Variants in CARM1 observed in about 807,000 individuals in gnomAD.
The protein encoded by CARM1 is histone-arginine methyltransferase CARM1.
In CARM1, 14 loss-of-function variants were observed where a neutral mutation model predicts 72.7. The ratio of observed to expected loss-of-function variants is 0.19; its 90% CI spans 0.13 to 0.30. The LOEUF is 0.30. Ranked by LOEUF, CARM1 falls within the 10% of genes least tolerant of loss-of-function variation. CARM1 has a pLI of 1.00. For missense variants in CARM1, 432 were observed against 833.7 expected (o/e 0.52, Z 5.93); for synonymous variants, 333 against 345.5 (o/e 0.96, Z 0.40).
intron 1 of CARM1, among the ~76,000 whole-genome samples, chr19:10,872,244 C>T (rs2073824523): frequency 6.7e-6 from 1 of 149,820 alleles, no homozygotes; most frequent in Non-Finnish European, 1.5e-5. Context: ...TTGGAGGACG[C>T]CAGGCGTGGT....
rs2073816663 is a variant in CARM1, at chr19:10,871,631, G to GGCGGCGGCGGCGGCA, written c.-64_-63insGGCGGCAGCGGCGGC. 3.6e-5 allele frequency: 5 copies of GGCGGCGGCGGCGGCA among 137,030 alleles called. No individual in the cohort carries two copies. Among genetic ancestry groups the GGCGGCGGCGGCGGCA allele is most frequent in the Admixed American group, 1.3e-4 (1 of 7,942 alleles). The allele number at this position is 137,030 out of a possible 1,614,324, so 8.5% of individuals were successfully genotyped here. ...CGGCGGCGGCGGCGGCGGCGGCGGC[G>GGCGGCGGCGGCGGCA]GCGGCGGCAGCGGCGGCGGCCTGGG... is the stretch of plus-strand genomic sequence containing the variant. On this transcript the variant is annotated 5_prime_UTR_variant, in exon 1 of 16. Coordinates refer to ENST00000327064, the MANE Select transcript of CARM1 (RefSeq NM_199141.2). This position sits in a 1 kb window ranked among gnomAD's most constrained non-coding sequence, Gnocchi z 5.6.
chr19:10,871,936 C>A lies in CARM1; in HGVS notation c.220+14C>A. ...CCCTCTACAGCCGTGAGTACGGGGC[C>A]CCGGGGCAGGCGCAGGGCCGGGGCT... On this transcript the variant is annotated intron_variant, in intron 1 of 15. Coordinates refer to ENST00000327064, the MANE Select transcript of CARM1 (RefSeq NM_199141.2). This position sits in a 1 kb window ranked among gnomAD's most constrained non-coding sequence, Gnocchi z 5.6. 8.5e-6 allele frequency: 10 copies of A among 1,183,208 alleles called. No homozygotes were observed. The highest frequency in any genetic ancestry group is 1.0e-5 in the Non-Finnish European group (10 of 956,166). The allele number at this position is 1,183,208 out of a possible 1,614,324, so 73.3% of individuals were successfully genotyped here.
At chr19:10,888,061 G>C (rs1313084326) in intron 1 of CARM1, among the ~76,000 whole-genome samples, 1 of 152,204 alleles carries the variant, frequency 6.6e-6, no homozygotes, top group Non-Finnish European at 1.5e-5. Context: ...GCCTCATTCA[G>C]CCCGACCTTC....
At chr19:10,873,340 A>G (rs1416816476) in intron 1 of CARM1, among the ~76,000 whole-genome samples, 1 of 152,048 alleles carries the variant, frequency 6.6e-6, no homozygotes, top group Non-Finnish European at 1.5e-5. Context: ...GGGGTAGCTC[A>G]GCACTTTGGG....
chr19:10,881,551 G>A (rs1229819575), intron 1 of CARM1, among the ~76,000 whole-genome samples: 1 of 152,080 alleles, frequency 6.6e-6, no homozygotes, highest in African/African-American at 2.4e-5. Context: ...GAGCCAAGGG[G>A]CGGTCACTGG....
rs778938821 is a variant in CARM1 at position 10,904,951 on chromosome 19, A to G, written c.221A>G (p.His74Arg). The change falls in exon 2 of 16, where the codon CAT (histidine) becomes CGT (arginine). Residue 74 changes from histidine (H) to arginine (R), a missense_variant and splice_region_variant. Coordinates refer to ENST00000327064, the MANE Select transcript of CARM1 (RefSeq NM_199141.2). ...CACGCCAGCCTGTCTTCTCTCGTAG[A>G]TGAAGATGTGTGTGTCTTTAAGTGC... ...PDSAGIALYS[H>R]EDVCVFKCSV... 10 of 1,614,026 alleles carry G rather than the reference A, an allele frequency of 6.2e-6. No homozygotes were observed. The highest frequency in any genetic ancestry group is 1.3e-5 in the African/African-American group (1 of 74,948).
At position 10,920,610 on chromosome 19, in the gene CARM1, G is replaced by C. The variant is rs2074234387; in HGVS notation, c.1334+37G>C. 1 of 1,613,760 alleles carries C rather than the reference G, an allele frequency of 6.2e-7. No individual in the cohort carries two copies. The highest frequency in any genetic ancestry group is 8.5e-7 in the Non-Finnish European group (1 of 1,179,812). On this transcript the variant is annotated intron_variant, in intron 11 of 15. Transcript: ENST00000327064. This position sits in a 1 kb window ranked among gnomAD's most constrained non-coding sequence, Gnocchi z 5.3. The stretch of plus-strand genomic sequence containing the variant: ...CCCTGGGGCTGGTGGTGGTGGGCAG[G>C]GGTCCATCTGCCCAGCAGCTCATGC...
At chr19:10,919,443 G>A (rs1444234518) in intron 8 of CARM1, 152 bp from the exon 9 acceptor site, 7 of 620,960 alleles carry the variant, frequency 1.1e-5, no homozygotes, top group South Asian at 1.9e-5. Flanking sequence ...GCGTTGTGCC[G>A]GTCCCCTCCT....
In CARM1 at chr19:10,920,208, C is replaced by G. The variant is rs75054755; in HGVS notation, c.1197-228C>G. Among the ~76,000 whole-genome samples the G allele has an allele frequency of 2.9e-3, 440 of 152,110 alleles. 1 individual carries two copies. Among genetic ancestry groups the G allele is most frequent in the African/African-American group, 0.01 (428 of 41,486 alleles). ...ATGGGTCTGTGTCTGTCTCTTGGCACATGTCAGGGTGAGTAGGGATCTCGT... is the reference window on the plus strand; with the variant it reads ...ATGGGTCTGTGTCTGTCTCTTGGCAGATGTCAGGGTGAGTAGGGATCTCGT... On this transcript the variant is annotated intron_variant, in intron 10 of 15. Coordinates refer to ENST00000327064, the MANE Select transcript of CARM1 (RefSeq NM_199141.2). This position sits in a 1 kb window ranked among gnomAD's most constrained non-coding sequence, Gnocchi z 5.3.
intron 5 of CARM1, among the ~76,000 whole-genome samples, chr19:10,913,130 G>C (rs1167096812): frequency 1.3e-5 from 2 of 151,702 alleles, no homozygotes; most frequent in Non-Finnish European, 2.9e-5. Context: ...TTTTGGGGGG[G>C]GTCTCACTCT....
rs756379315 is a variant in CARM1, at chr19:10,920,624, A to C, written c.1335-35A>C. ...GTGGTGGGCAGGGGTCCATCTGCCC[A>C]GCAGCTCATGCCACGGCCTGCACCC... is the stretch of plus-strand genomic sequence containing the variant. On this transcript the variant is annotated intron_variant, in intron 11 of 15. Transcript: ENST00000327064. This position sits in a 1 kb window ranked among gnomAD's most constrained non-coding sequence, Gnocchi z 5.3. 3 of 1,613,938 alleles carry C rather than the reference A, an allele frequency of 1.9e-6. No individual in the cohort carries two copies. The African/African-American group carries it at 4.0e-5, about 22-fold the overall frequency.
chr19:10,916,842 CTCAGGAAGCTA>C lies in CARM1; in HGVS notation c.1020+66_1020+76del, dbSNP rs1599709828. 6 of 1,227,534 alleles carry C rather than the reference CTCAGGAAGCTA, an allele frequency of 4.9e-6. No individual in the cohort carries two copies. The East Asian group carries it at 1.5e-4, about 31-fold the overall frequency. The allele number at this position is 1,227,534 out of a possible 1,614,324, so 76.0% of individuals were successfully genotyped here. ...GCCATTGCTGTGCAGCTGTGCAGCC[CTCAGGAAGCTA>C]CAGCCCCTCTCTGAGCCCTCTCCTC... is the stretch of plus-strand genomic sequence containing the variant. On this transcript the variant is annotated intron_variant, in intron 8 of 15. Transcript: ENST00000327064. This position sits in a 1 kb window ranked among gnomAD's most constrained non-coding sequence, Gnocchi z 4.4.
intron 4 of CARM1, 41 bp downstream of exon 4, chr19:10,909,248 T>A: frequency 7.6e-7 from 1 of 1,313,446 alleles, no homozygotes; most frequent in South Asian, 1.3e-5. Context: ...TGCTTCTGTC[T>A]CGGTTTTTTT....
rs995488245 is a variant in CARM1, at chr19:10,912,846, G to A, written c.669+552G>A. On this transcript the variant is annotated intron_variant, in intron 5 of 15. Coordinates refer to ENST00000327064, the MANE Select transcript of CARM1 (RefSeq NM_199141.2). This position sits in a 1 kb window ranked among gnomAD's most constrained non-coding sequence, Gnocchi z 4.5. Reference sequence around the variant, plus strand: ...CTGTTGCTTTAGCTGCATTGTGTCCGCAGCGACACTCAGACTCCTTCCAGG... The same window carrying A: ...CTGTTGCTTTAGCTGCATTGTGTCCACAGCGACACTCAGACTCCTTCCAGG... Among the ~76,000 whole-genome samples, 6 of 152,148 alleles carry A rather than the reference G, an allele frequency of 3.9e-5. No individual in the cohort carries two copies. Among genetic ancestry groups the A allele is most frequent in the Non-Finnish European group, 5.9e-5 (4 of 68,028 alleles).
At chr19:10,909,563 G>A (rs557378562) in intron 4 of CARM1, among the ~76,000 whole-genome samples, 12 of 152,022 alleles carry the variant, frequency 7.9e-5, no homozygotes, top group Admixed American at 3.9e-4. Flanking sequence ...ATGAAACCCC[G>A]TCTCTACTAA....
intron 1 of CARM1, among the ~76,000 whole-genome samples, chr19:10,880,601 A>C (rs562619460): frequency 7.1e-6 from 1 of 140,512 alleles, no homozygotes; most frequent in Admixed American, 7.8e-5. Flanking sequence ...CGATTCTCCT[A>C]CCTTGGCCCC....
At chr19:10,911,793 C>T (rs1025847803) in intron 4 of CARM1, among the ~76,000 whole-genome samples, 13 of 152,212 alleles carry the variant, frequency 8.5e-5, no homozygotes, top group African/African-American at 3.1e-4. Flanking sequence ...GGCTGCTTCT[C>T]CAGGCATGAG....
chr19:10,903,692 C>A (rs961518890), intron 1 of CARM1, among the ~76,000 whole-genome samples: 7 of 151,980 alleles, frequency 4.6e-5, no homozygotes, highest in African/African-American at 7.3e-5. Flanking sequence ...TCCCAAGTAG[C>A]TAGGACCACA....
chr19:10,915,624 C>T lies in CARM1; in HGVS notation c.848-783C>T, dbSNP rs576714262. On this transcript the variant is annotated intron_variant, in intron 6 of 15. Transcript: ENST00000327064. The surrounding 1 kb of genome is among the most constrained non-coding windows in gnomAD (Gnocchi z 4.6). Reference sequence around the variant, plus strand: ...CCAGCAGCTGCAGCCCTGCAGCTCTCGCCTCGGGTACAGCCTGGTGGCGTA... The same window carrying T: ...CCAGCAGCTGCAGCCCTGCAGCTCTTGCCTCGGGTACAGCCTGGTGGCGTA... Among the ~76,000 whole-genome samples the T allele has an allele frequency of 2.0e-5, 3 of 152,268 alleles. No individual in the cohort carries two copies. The highest frequency in any genetic ancestry group is 4.8e-5 in the African/African-American group (2 of 41,556).
Sources: allele counts gnomAD v4.1 joint callset (sites outside exome capture counted in the v4.1 genomes callset), GRCh38; gene constraint gnomAD v4.1.1; non-coding constraint Gnocchi (gnomAD v3.1); transcripts MANE v1.5; gene names NCBI Gene and HGNC (gene_info 2026-07-23, HGNC 2026-07-21).